Variants in ESPNL observed in about 807,000 individuals in gnomAD.
ESPNL encodes espin-like protein.
Under a neutral mutation model 46.8 loss-of-function variants are expected in ESPNL, and 49 were observed. That is an observed-to-expected ratio of 1.05 (90% CI 0.83 to 1.33). The LOEUF is 1.33. Ranked by LOEUF, ESPNL falls within the 40% of genes most tolerant of loss-of-function variation. ESPNL has a pLI of 0.00. For missense variants in ESPNL, 1,540 were observed against 1,436.6 expected (o/e 1.07, Z -1.16); for synonymous variants, 664 against 662.1 (o/e 1.00, Z -0.04).
chr2:238,121,246 C>A (rs1691981950), intron 5 of ESPNL, among the ~76,000 whole-genome samples: 2 of 152,224 alleles, frequency 1.3e-5, no homozygotes, highest in South Asian at 4.1e-4. Flanking sequence ...CTCTGAGTGC[C>A]CTGTCTGGGC....
intron 8 of ESPNL, chr2:238,129,221 C>T: frequency 2.4e-6 from 3 of 1,271,202 alleles, no homozygotes; most frequent in Admixed American, 3.8e-5. Flanking sequence ...AAGACGGTGG[C>T]CCATGGGCAG....
At position 238,130,631 on chromosome 2, in the gene ESPNL, C is replaced by T. The variant is rs1191143428; in HGVS notation, c.1917C>T (p.Ser639=). ...AGGCCTCGGCCAGCCCCCCTCGGAG[C>T]GAGGCCCAGCGCCAGATCCAGGAGT... ...CREASASPPR[S]EAQRQIQEWG... The change falls in exon 9 of 9, where the codon AGC becomes AGT. Residue 639 remains serine (S), a synonymous_variant. Transcript: ENST00000343063. 11 of 1,561,340 alleles carry T rather than the reference C, an allele frequency of 7.0e-6. No individual in the cohort carries two copies. The highest frequency in any genetic ancestry group is 2.4e-5 in the East Asian group (1 of 42,086).
At chr2:238,120,521 C>T (rs568544509) in intron 5 of ESPNL, among the ~76,000 whole-genome samples, 5 of 152,390 alleles carry the variant, frequency 3.3e-5, no homozygotes, top group East Asian at 1.9e-4. Context: ...TAGTGGAGGA[C>T]GGGTCGTGTT....
chr2:238,107,977 A>G lies in ESPNL; in HGVS notation c.855+4A>G. On this transcript the variant is annotated splice_donor_region_variant and intron_variant, in intron 4 of 8. Coordinates refer to ENST00000343063, the MANE Select transcript of ESPNL (RefSeq NM_194312.4). ...AGCAGAGAACGGGCAGATGGAGGTA[A>G]GGTGGGCGTGAGGGAGACAGGGTGA... 3.1e-6 allele frequency: 5 copies of G among 1,608,048 alleles called. No individual in the cohort carries two copies. The highest frequency in any genetic ancestry group is 4.2e-6 in the Non-Finnish European group (5 of 1,176,848).
intron 7 of ESPNL, 134 bp downstream of exon 7, chr2:238,127,868 C>T: frequency 3.1e-6 from 2 of 653,922 alleles, no homozygotes; most frequent in Non-Finnish European, 5.2e-6. Context: ...CTGCCTGCGT[C>T]ACTCCGCTGC....
chr2:238,129,239 C>A, intron 8 of ESPNL: 1 of 1,236,834 alleles, frequency 8.1e-7, no homozygotes, highest in Admixed American at 4.0e-5. Flanking sequence ...CAGGTGCCGG[C>A]AGGTGTGTGG....
chr2:238,128,569 G>A, intron 7 of ESPNL, 138 bp from the exon 8 acceptor site: 3 of 712,114 alleles, frequency 4.2e-6, no homozygotes, highest in Non-Finnish European at 4.7e-6. Flanking sequence ...GCTGTCCGTG[G>A]CCCCCACTGT....
intron 4 of ESPNL, among the ~76,000 whole-genome samples, chr2:238,108,316 GGT>G (rs972770509): frequency 2.4e-4 from 36 of 152,296 alleles, no homozygotes; most frequent in Admixed American, 1.8e-3. Context: ...CTGTGGCAGG[GGT>G]GTGATGTCAG....
intron 2 of ESPNL, among the ~76,000 whole-genome samples, chr2:238,103,260 C>CA (rs901598056): frequency 6.6e-6 from 1 of 152,172 alleles, no homozygotes; most frequent in African/African-American, 2.4e-5. Context: ...TCCATCTCTA[C>CA]AAAAAAATTT....
chr2:238,116,846 C>T (rs1691827025), intron 4 of ESPNL, 57 bp from the exon 5 acceptor site: 25 of 1,593,746 alleles, frequency 1.6e-5, no homozygotes, highest in Admixed American at 5.1e-5. Context: ...CAGGGCCAGT[C>T]CCATGGGCAC....
intron 1 of ESPNL, among the ~76,000 whole-genome samples, chr2:238,101,537 C>T (rs887237548): frequency 4.6e-5 from 7 of 152,190 alleles, no homozygotes; most frequent in South Asian, 2.1e-4. Flanking sequence ...TCCCTGGCCC[C>T]GGGACCCTGT....
intron 6 of ESPNL, among the ~76,000 whole-genome samples, chr2:238,125,649 G>T (rs1020517287): frequency 6.6e-6 from 1 of 152,362 alleles, no homozygotes; most frequent in Middle Eastern, 3.4e-3. Flanking sequence ...TTGGGCCCAG[G>T]CCCCTTGTGG....
At chr2:238,109,220 TTTTTAA>T (rs1691666288) in intron 4 of ESPNL, among the ~76,000 whole-genome samples, 1 of 150,650 alleles carries the variant, frequency 6.6e-6, no homozygotes, top group Admixed American at 6.6e-5. Flanking sequence ...TGGCCAGGGG[TTTTTAA>T]GCTTTTTTAA....
At chr2:238,119,569 T>G (rs1691939597) in intron 5 of ESPNL, among the ~76,000 whole-genome samples, 1 of 134,618 alleles carries the variant, frequency 7.4e-6, no homozygotes, top group Non-Finnish European at 1.6e-5. Context: ...GAGGAATGGA[T>G]GGAGGAGGTG....
chr2:238,108,963 A>G (rs569902532), intron 4 of ESPNL, among the ~76,000 whole-genome samples: 47 of 152,056 alleles, frequency 3.1e-4, no homozygotes, highest in Non-Finnish European at 5.3e-4. Flanking sequence ...TGCTGAAAGC[A>G]TCTTTCTCTG....
In ESPNL at chr2:238,131,205, C is replaced by G; in HGVS notation, c.2491C>G (p.Arg831Gly). The change falls in exon 9 of 9, where the codon CGC (arginine) becomes GGC (glycine). Residue 831 changes from arginine to glycine, a missense_variant. Transcript: ENST00000343063. ...GCTGCGGCGGCTGAGCCGGCAGCCC[C>G]GCGGGGCTTTGTCCCCCGAGCAGTT... ...RQLRRLSRQP[R>G]GALSPEQFLP... 1 of 1,545,872 alleles carries G rather than the reference C, an allele frequency of 6.5e-7. No homozygotes were observed. The highest frequency in any genetic ancestry group is 8.7e-7 in the Non-Finnish European group (1 of 1,148,106).
chr2:238,127,036 C>CTG (rs751043335), intron 6 of ESPNL, among the ~76,000 whole-genome samples: 1 of 145,946 alleles, frequency 6.9e-6, no homozygotes, highest in African/African-American at 2.6e-5. Context: ...TGTGTCTGTT[C>CTG]TGTGTGTGTT....
chr2:238,117,198 C>T (rs932851334), intron 5 of ESPNL, among the ~76,000 whole-genome samples, 164 bp downstream of exon 5: 6 of 152,172 alleles, frequency 3.9e-5, no homozygotes, highest in Non-Finnish European at 5.9e-5. Context: ...AGGACTGAGG[C>T]GCCACAGGGC....
At position 238,128,796 on chromosome 2, in the gene ESPNL, G is replaced by A; in HGVS notation, c.1305G>A (p.Leu435=). 1 of 1,568,430 alleles carries A rather than the reference G, an allele frequency of 6.4e-7. No individual in the cohort carries two copies. The change falls in exon 8 of 9, where the codon CTG becomes CTA. Residue 435 remains leucine (L), a synonymous_variant. Coordinates refer to ENST00000343063, the MANE Select transcript of ESPNL (RefSeq NM_194312.4). Reference sequence around the variant, plus strand: ...TGCCCTCAGGCGACATCGACGGGCTGGTGCCCACGCGGGATGAGCGCGGCC... The same window carrying A: ...TGCCCTCAGGCGACATCGACGGGCTAGTGCCCACGCGGGATGAGCGCGGCC... The part of the protein sequence containing the change: ...DGLPSGDIDG[L]VPTRDERGQP...
Sources: allele counts gnomAD v4.1 joint callset (sites outside exome capture counted in the v4.1 genomes callset), GRCh38; gene constraint gnomAD v4.1.1; transcripts MANE v1.5; gene names NCBI Gene and HGNC (gene_info 2026-07-23, HGNC 2026-07-21).